BMERB1: variants seen among roughly 807,000 people sequenced by gnomAD.
BMERB1 encodes the protein bMERB domain-containing protein 1.
BMERB1 carries 12 observed loss-of-function variants against 23.6 expected under a neutral mutation model. The observed-to-expected ratio is 0.51, with a 90% CI of 0.33 to 0.82. The LOEUF is 0.82. Among genes scored for constraint, BMERB1 ranks in the 40% least tolerant of loss-of-function variants. The pLI is 0.03. For synonymous variants in BMERB1, 122 were observed against 96.6 expected (o/e 1.26, Z -1.54); for missense variants, 247 against 255.4 (o/e 0.97, Z 0.22).
At chr16:15,571,989 A>AT (rs2030740640) in intron 3 of BMERB1, among the ~76,000 whole-genome samples, 1 of 152,244 alleles carries the variant, frequency 6.6e-6, no homozygotes, top group Non-Finnish European at 1.5e-5. Flanking sequence ...CGGGGATCCT[A>AT]TTGCTGCCTG....
chr16:15,511,324 C>T lies in BMERB1; in HGVS notation c.107-3981C>T, dbSNP rs140218542. 7.2e-5 allele frequency among the ~76,000 whole-genome samples: 11 copies of T among 152,232 alleles called. 1 individual carries two copies. The East Asian group carries it at 1.9e-3, about 27-fold the overall frequency. On this transcript the variant is annotated intron_variant, in intron 1 of 5. Coordinates refer to ENST00000300006, the MANE Select transcript of BMERB1 (RefSeq NM_033201.3). ...TCTCCCTCCACTGTGTCTCCCTTTT[C>T]ACCCTTCCCTGGCAGAGGCTCGGCC...
chr16:15,519,632 CTGCCCTCCT>C (rs2051824761), intron 2 of BMERB1, among the ~76,000 whole-genome samples: 1 of 152,136 alleles, frequency 6.6e-6, no homozygotes. Flanking sequence ...CTCAAGTGAT[CTGCCCTCCT>C]TGGCCTCCTT....
At chr16:15,479,499 A>G (rs934395276) in intron 1 of BMERB1, among the ~76,000 whole-genome samples, 4 of 152,170 alleles carry the variant, frequency 2.6e-5, no homozygotes, top group African/African-American at 9.7e-5. Flanking sequence ...GTCATAGAAA[A>G]TAAGAATATT....
intron 1 of BMERB1, among the ~76,000 whole-genome samples, chr16:15,489,883 T>C (rs2150938718): frequency 6.6e-6 from 1 of 152,310 alleles, no homozygotes. Flanking sequence ...ATCTTTTTTT[T>C]TGAGATGGAG....
At chr16:15,435,618 C>G (rs1025032737) in intron 1 of BMERB1, among the ~76,000 whole-genome samples, 5 of 152,200 alleles carry the variant, frequency 3.3e-5, no homozygotes, top group Non-Finnish European at 7.3e-5. Context: ...AGGAGAGGTC[C>G]TTCTCAGGGA....
At chr16:15,558,982 T>G (rs1251220028) in intron 2 of BMERB1, among the ~76,000 whole-genome samples, 1 of 150,520 alleles carries the variant, frequency 6.6e-6, no homozygotes, top group East Asian at 2.1e-4. Flanking sequence ...AAACTTAACT[T>G]GCCTTGCTTG....
At chr16:15,477,385 T>A (rs2051283427) in intron 1 of BMERB1, among the ~76,000 whole-genome samples, 1 of 152,190 alleles carries the variant, frequency 6.6e-6, no homozygotes, top group African/African-American at 2.4e-5. Context: ...GTGGGGATTA[T>A]GGGAATTACA....
intron 3 of BMERB1, among the ~76,000 whole-genome samples, chr16:15,569,671 G>T (rs372904318): frequency 6.6e-6 from 1 of 152,162 alleles, no homozygotes; most frequent in Non-Finnish European, 1.5e-5. Context: ...ATTCTCAGGG[G>T]TGCTAAGTCC....
chr16:15,542,240 T>A (rs1176436049), intron 2 of BMERB1, among the ~76,000 whole-genome samples: 1 of 151,912 alleles, frequency 6.6e-6, no homozygotes, highest in East Asian at 1.9e-4. Context: ...ATTTTTGTAT[T>A]TTTAGTAGAG....
chr16:15,468,926 T>C (rs994748550), intron 1 of BMERB1, among the ~76,000 whole-genome samples: 5 of 152,042 alleles, frequency 3.3e-5, no homozygotes, highest in African/African-American at 1.2e-4. Context: ...GTATTGTTTG[T>C]TGAAAAGGCT....
At chr16:15,556,961 G>A (rs1163034422) in intron 2 of BMERB1, among the ~76,000 whole-genome samples, 1 of 152,128 alleles carries the variant, frequency 6.6e-6, no homozygotes, top group African/African-American at 2.4e-5. Flanking sequence ...AGACAATAAA[G>A]ACTATTTTTA....
intron 1 of BMERB1, chr16:15,502,416 G>C (rs1424811931): frequency 2.0e-6 from 3 of 1,489,688 alleles, no homozygotes; most frequent in Non-Finnish European, 2.7e-6. Context: ...TCCTCTCCAC[G>C]AGGCAGGCTG....
intron 2 of BMERB1, among the ~76,000 whole-genome samples, chr16:15,528,730 A>T (rs1371385154): frequency 6.6e-6 from 1 of 151,340 alleles, no homozygotes; most frequent in African/African-American, 2.4e-5. Context: ...TGGTGCTATG[A>T]TCTGAATGTT....
intron 2 of BMERB1, among the ~76,000 whole-genome samples, chr16:15,528,203 T>G (rs1387107313): frequency 6.6e-6 from 1 of 152,076 alleles, no homozygotes; most frequent in Non-Finnish European, 1.5e-5. Context: ...GCCAGCAGAT[T>G]CCATACTTAG....
At position 15,541,188 on chromosome 16, in the gene BMERB1, A is replaced by G. The variant is rs557546738; in HGVS notation, c.230+25760A>G. Among the ~76,000 whole-genome samples the G allele has an allele frequency of 5.3e-5, 8 of 152,214 alleles. No homozygotes were observed. The South Asian group carries it at 1.7e-3, about 32-fold the overall frequency. On this transcript the variant is annotated intron_variant, in intron 2 of 5. Coordinates refer to ENST00000300006, the MANE Select transcript of BMERB1 (RefSeq NM_033201.3). ...TGTTTACTGGTTTATTACAAAGGAC[A>G]GAACTCAGGAATAGCCAAATGGAAG...
intron 2 of BMERB1, among the ~76,000 whole-genome samples, chr16:15,542,211 G>A (rs1427980838): frequency 1.3e-5 from 2 of 151,806 alleles, no homozygotes; most frequent in East Asian, 1.9e-4. Flanking sequence ...CTACAGGCAC[G>A]TGCCATCACA....
intron 1 of BMERB1, among the ~76,000 whole-genome samples, chr16:15,511,343 C>T (rs1487144831): frequency 1.3e-5 from 2 of 152,102 alleles, no homozygotes; most frequent in African/African-American, 4.8e-5. Flanking sequence ...CTGGCAGAGG[C>T]TCGGCCAGGT....
chr16:15,586,452 T>C (rs1232216697), intron 5 of BMERB1, among the ~76,000 whole-genome samples: 1 of 152,188 alleles, frequency 6.6e-6, no homozygotes, highest in Admixed American at 6.5e-5. Context: ...ACAATGATGA[T>C]AACAGCTGAC....
intron 1 of BMERB1, among the ~76,000 whole-genome samples, chr16:15,492,316 A>C (rs972703405): frequency 2.0e-5 from 3 of 152,040 alleles, no homozygotes; most frequent in Non-Finnish European, 4.4e-5. Flanking sequence ...TTCCCAAACC[A>C]CCAGTTCTAG....
Sources: gnomAD v4.1 joint callset for allele counts (sites outside exome capture counted in the v4.1 genomes callset) on GRCh38, gnomAD v4.1.1 for gene constraint, MANE v1.5 for transcripts, NCBI Gene and HGNC (gene_info 2026-07-23, HGNC 2026-07-21) for gene names.